MORC4: variants seen among roughly 807,000 people sequenced by gnomAD.
The protein encoded by MORC4 is MORC family CW-type zinc finger protein 4.
In MORC4, 22 loss-of-function variants were observed where a neutral mutation model predicts 65.5. The ratio of observed to expected loss-of-function variants is 0.34; its 90% CI spans 0.24 to 0.48. The LOEUF (loss-of-function observed/expected upper bound fraction) is 0.48. Among genes scored for constraint, MORC4 ranks in the 20% least tolerant of loss-of-function variants. The pLI is 0.99. For missense variants in MORC4, 624 were observed against 703.0 expected (o/e 0.89, Z 1.27); for synonymous variants, 267 against 255.8 (o/e 1.04, Z -0.42).
chrX:106,953,692 T>C (rs1391664837), intron 14 of MORC4, among the ~76,000 whole-genome samples: 3 of 111,477 alleles, frequency 2.7e-5, no homozygotes, highest in Non-Finnish European at 5.7e-5. Flanking sequence ...TTCGCTGTGT[T>C]GTCCAGGCTG....
chrX:106,986,683 A>G (rs1422466311), intron 3 of MORC4, among the ~76,000 whole-genome samples: 1 of 112,001 alleles, frequency 8.9e-6, no homozygotes. Flanking sequence ...ATCATCCTCT[A>G]GAAATCTGAA....
chrX:106,992,542 A>G (rs1031415300), intron 3 of MORC4, among the ~76,000 whole-genome samples: 1 of 112,943 alleles, frequency 8.9e-6, no homozygotes, highest in Non-Finnish European at 1.9e-5. Flanking sequence ...TTTTAAAGTG[A>G]TTAAATGAAC....
At position 106,986,212 on chromosome X, in the gene MORC4, C is replaced by T. The variant is rs1361268627; in HGVS notation, c.309-12G>A. 8.9e-7 allele frequency: 1 copy of T among 1,122,639 alleles called. No individual in the cohort carries two copies. Among genetic ancestry groups the T allele is most frequent in the Admixed American group, 2.5e-5 (1 of 39,473 alleles). 92.5% of individuals were successfully genotyped at this position (1,122,639 alleles called of 1,213,427 possible). Reference sequence around the variant, plus strand: ...CTGTAAAGCCAAAGCTGCAATTACACAAGAAAAAACAAATCAGAAAAAAAG... The same window carrying T: ...CTGTAAAGCCAAAGCTGCAATTACATAAGAAAAAACAAATCAGAAAAAAAG... On this transcript the variant is annotated splice_polypyrimidine_tract_variant and intron_variant, in intron 3 of 16. Coordinates refer to ENST00000355610, the MANE Select transcript of MORC4 (RefSeq NM_024657.5).
At chrX:106,999,535 T>G in intron 2 of MORC4, 142 bp downstream of exon 2, 1 of 442,933 alleles carries the variant, frequency 2.3e-6, no homozygotes, top group Non-Finnish European at 3.5e-6. Context: ...CTCCTCCGCC[T>G]GCGGAGCCGG....
At chrX:106,974,014 G>A (rs960020065) in intron 9 of MORC4, among the ~76,000 whole-genome samples, 1 of 111,767 alleles carries the variant, frequency 8.9e-6, no homozygotes, top group East Asian at 2.8e-4. Context: ...AATTTCTGTG[G>A]TTTATAGACA....
At position 106,942,946 on chromosome X, in the gene MORC4, C is replaced by G. The variant is rs778517827; in HGVS notation, c.1945G>C (p.Ala649Pro). 8.3e-7 allele frequency: 1 copy of G among 1,209,814 alleles called. No homozygotes were observed. Among genetic ancestry groups the G allele is most frequent in the African/African-American group, 1.7e-5 (1 of 57,146 alleles). The change falls in exon 15 of 17, where the codon GCC (alanine) becomes CCC (proline). Residue 649 changes from alanine to proline, a missense_variant. Coordinates refer to ENST00000355610, the MANE Select transcript of MORC4 (RefSeq NM_024657.5). ...NREVSILYPG[A>P]KDQRQGSLLP... ...AGGGACCCCTGGCGTTGGTCTTTGGCCCCTGGATACAGAATTGAAACCTCC... is the reference window on the plus strand; with the variant it reads ...AGGGACCCCTGGCGTTGGTCTTTGGGCCCTGGATACAGAATTGAAACCTCC...
chrX:106,950,985 C>T lies in MORC4; in HGVS notation c.1685+3928G>A, dbSNP rs1344709635. 2.7e-5 allele frequency among the ~76,000 whole-genome samples: 3 copies of T among 111,994 alleles called. No homozygotes were observed. The East Asian group carries it at 8.4e-4, about 31-fold the overall frequency. On this transcript the variant is annotated intron_variant, in intron 14 of 16. Coordinates refer to ENST00000355610, the MANE Select transcript of MORC4 (RefSeq NM_024657.5). ...TTGCTGTGTGCCCCTAGGACACTAT[C>T]CAGAAACACTGATTTTTTTTAAATA...
chrX:106,981,611 G>T, intron 5 of MORC4, 134 bp from the exon 6 acceptor site: 1 of 511,288 alleles, frequency 2.0e-6, no homozygotes, highest in Non-Finnish European at 3.1e-6. Flanking sequence ...GACTACCAGT[G>T]CAAAGGAACT....
chrX:106,968,418 A>C (rs1398710294), intron 9 of MORC4, among the ~76,000 whole-genome samples: 1 of 110,576 alleles, frequency 9.0e-6, no homozygotes, highest in African/African-American at 3.3e-5. Context: ...TTAACAGGTG[A>C]AATAACCAGC....
At chrX:106,969,485 A>C (rs186851971) in intron 9 of MORC4, among the ~76,000 whole-genome samples, 1 of 111,560 alleles carries the variant, frequency 9.0e-6, no homozygotes, top group Admixed American at 9.5e-5. Flanking sequence ...CAGAGCAGAA[A>C]TGAAGGAGAT....
At chrX:106,984,269 G>A (rs1934812329) in intron 5 of MORC4, among the ~76,000 whole-genome samples, 1 of 106,948 alleles carries the variant, frequency 9.4e-6, no homozygotes, top group Non-Finnish European at 1.9e-5. Flanking sequence ...CTGGGCAAGA[G>A]AGACTCTGTC....
intron 13 of MORC4, 82 bp from the exon 14 acceptor site, chrX:106,955,170 A>G: frequency 1.4e-6 from 1 of 732,343 alleles, no homozygotes; most frequent in Non-Finnish European, 2.0e-6. Flanking sequence ...TGATGCTAGG[A>G]AAGAATGCTT....
rs1004757459 is a variant in MORC4, at chrX:106,987,986, T to TA, written c.309-1787dup. On this transcript the variant is annotated intron_variant, in intron 3 of 16. Coordinates refer to ENST00000355610, the MANE Select transcript of MORC4 (RefSeq NM_024657.5). ...TTTTTCTTGTGGAAGAATTGGCTTT[T>TA]AAAAAAAATGGGTTTGTTATGAGGA... is the stretch of plus-strand genomic sequence containing the variant. Among the ~76,000 whole-genome samples the TA allele has an allele frequency of 3.6e-5, 4 of 111,300 alleles. No homozygotes were observed. In the South Asian group the frequency reaches 1.1e-3, roughly 32 times the overall value.
At chrX:106,968,763 A>G (rs1934435066) in intron 9 of MORC4, among the ~76,000 whole-genome samples, 1 of 111,055 alleles carries the variant, frequency 9.0e-6, no homozygotes, top group Admixed American at 9.6e-5. Flanking sequence ...AAAGGGATCA[A>G]TTCAACAAGA....
chrX:106,966,271 GCATT>G (rs767822010), intron 9 of MORC4, among the ~76,000 whole-genome samples: 5 of 112,429 alleles, frequency 4.4e-5, no homozygotes, highest in African/African-American at 1.6e-4. Context: ...AAAGGTCAGA[GCATT>G]CAGTCACACA....
intron 2 of MORC4, among the ~76,000 whole-genome samples, chrX:106,997,940 CTTTG>C (rs1199570616): frequency 8.9e-6 from 1 of 111,992 alleles, no homozygotes; most frequent in East Asian, 2.8e-4. Flanking sequence ...TTGTTTTTAT[CTTTG>C]TTTATATATC....
At chrX:106,985,337 T>C (rs1024913133) in intron 4 of MORC4, 94 bp from the exon 5 acceptor site, 4 of 612,917 alleles carry the variant, frequency 6.5e-6, no homozygotes, top group Admixed American at 3.3e-5. Flanking sequence ...GACAAAACTA[T>C]AGACATACAG....
chrX:106,986,734 C>T (rs1168673857), intron 3 of MORC4, among the ~76,000 whole-genome samples: 1 of 112,057 alleles, frequency 8.9e-6, no homozygotes, highest in African/African-American at 3.2e-5. Context: ...ACTCTCCACT[C>T]AAAGGATAAC....
At position 106,942,664 on chromosome X, in the gene MORC4, C is replaced by T. The variant is rs768995845; in HGVS notation, c.2227G>A (p.Ala743Thr). The T allele has an allele frequency of 8.3e-7, 1 of 1,211,701 alleles. No homozygotes were observed. The highest frequency in any genetic ancestry group is 1.8e-5 in the South Asian group (1 of 56,964). Residue 743 changes from alanine (A) to threonine (T), a missense_variant, in exon 15 of 17, where the codon GCA becomes ACA. Transcript: ENST00000355610. ...CCTCTTGCTTTCTCCCCAATGGCTG[C>T]AGCAGGGATTGCAGCAGAGGCCACA... Reference protein sequence around the residue: ...YSVASAAIPAAAIGEKARGYE... With the variant: ...YSVASAAIPATAIGEKARGYE...
Sources: allele counts gnomAD v4.1 joint callset (sites outside exome capture counted in the v4.1 genomes callset), GRCh38; gene constraint gnomAD v4.1.1; transcripts MANE v1.5; gene names NCBI Gene and HGNC (gene_info 2026-07-23, HGNC 2026-07-21).